The following ADARB2 variants were observed in gnomAD, a reference collection of about 807,000 sequenced individuals.
ADARB2 encodes the protein adenosine deaminase RNA specific B2 (inactive).
A neutral mutation model predicts 62.2 loss-of-function variants in ADARB2; 25 were observed. The ratio of observed to expected loss-of-function variants is 0.40; its 90% CI spans 0.29 to 0.56. The LOEUF is 0.56. Ranked by LOEUF, ADARB2 falls within the 20% of genes least tolerant of loss-of-function variation. The pLI, the probability that ADARB2 is intolerant of heterozygous loss-of-function variation, is 0.43. For missense variants in ADARB2, 1,071 were observed against 1,077.4 expected, an observed-to-expected ratio of 0.99 and a Z score of 0.08; for synonymous variants, 572 against 500.8, an observed-to-expected ratio of 1.14 and a Z score of -1.90.
chr10:1,721,227 C>T (rs1835088368), intron 1 of ADARB2, among the ~76,000 whole-genome samples: 1 of 152,164 alleles, frequency 6.6e-6, no homozygotes, highest in East Asian at 1.9e-4. Flanking sequence ...GTAAATAATT[C>T]AAGTCACTTT....
At chr10:1,233,978 CT>C (rs1589160330) in intron 5 of ADARB2, 133 bp from the exon 6 acceptor site, 37 of 439,556 alleles carry the variant, frequency 8.4e-5, no homozygotes, top group Non-Finnish European at 1.0e-4. Context: ...TTTTTTTTTC[CT>C]TTTTTTTTTG....
At chr10:1,187,969 G>T (rs1836784651) in intron 8 of ADARB2, 2 of 228,874 alleles carry the variant, frequency 8.7e-6, no homozygotes, top group South Asian at 8.6e-5. Context: ...AACTACAACA[G>T]CCCCGCAGGC....
At chr10:1,437,923 C>T (rs1436606016) in intron 1 of ADARB2, among the ~76,000 whole-genome samples, 6 of 152,200 alleles carry the variant, frequency 3.9e-5, no homozygotes, top group Admixed American at 6.5e-5. Flanking sequence ...ATCTTCAACG[C>T]GAGGCTCCCC....
intron 1 of ADARB2, among the ~76,000 whole-genome samples, chr10:1,573,831 G>A (rs371637033): frequency 1.1e-4 from 17 of 152,240 alleles, no homozygotes; most frequent in East Asian, 3.9e-4. Flanking sequence ...CCCTCCTGCC[G>A]CCCAGTGAGC....
intron 3 of ADARB2, among the ~76,000 whole-genome samples, chr10:1,351,453 A>G (rs1397579291): frequency 1.3e-5 from 2 of 150,490 alleles, no homozygotes; most frequent in African/African-American, 4.9e-5. Context: ...CTTAGACAAT[A>G]CTCTTTTAAG....
At chr10:1,383,241 G>A (rs1000468456) in intron 1 of ADARB2, among the ~76,000 whole-genome samples, 18 of 152,178 alleles carry the variant, frequency 1.2e-4, no homozygotes, top group African/African-American at 3.9e-4. Flanking sequence ...GGTTATTGTC[G>A]GTTTTTCATA....
chr10:1,621,137 A>T (rs954170393), intron 1 of ADARB2, among the ~76,000 whole-genome samples: 6 of 152,174 alleles, frequency 3.9e-5, no homozygotes, highest in Non-Finnish European at 8.8e-5. Context: ...ATAAACAAAC[A>T]TGCCAATCAT....
At chr10:1,598,935 G>A (rs756429880) in intron 1 of ADARB2, among the ~76,000 whole-genome samples, 12 of 152,230 alleles carry the variant, frequency 7.9e-5, no homozygotes, top group Non-Finnish European at 7.3e-5. Flanking sequence ...GCCCAGGGCC[G>A]CGGTGCACAC....
rs79924428 is a variant in ADARB2, at chr10:1,443,379, C to T, written c.101-64219G>A. ...TCAGTTTCCTTTCTTATTATGCAGG[C>T]GAATTAATTCTTTAATGTTAATAAT... On this transcript the variant is annotated intron_variant, in intron 1 of 9. Transcript: ENST00000381312. 2.2e-3 allele frequency among the ~76,000 whole-genome samples: 332 copies of T among 152,156 alleles called. 5 individuals are homozygous for T. Among genetic ancestry groups the T allele is most frequent in the Non-Finnish European group, 5.3e-4 (36 of 67,994 alleles).
rs922392592 is a variant in ADARB2, at chr10:1,178,642, G to A, written c.*4551C>T. ...GACCCTAAAATACCAGCGAGGCGGG[G>A]GGTGGTCTGTCCCTGCTAAGAGCTG... On this transcript the variant is annotated 3_prime_UTR_variant, in exon 10 of 10. Coordinates refer to ENST00000381312, the MANE Select transcript of ADARB2 (RefSeq NM_018702.4). 2.0e-5 allele frequency: 3 copies of A among 152,386 alleles called. No homozygotes were observed. The highest frequency in any genetic ancestry group is 3.4e-3 in the Middle Eastern group (1 of 294). The allele number at this position is 152,386 out of a possible 1,614,324, so 9.4% of individuals were successfully genotyped here.
At chr10:1,299,191 A>T (rs1489610688) in intron 3 of ADARB2, among the ~76,000 whole-genome samples, 1 of 152,070 alleles carries the variant, frequency 6.6e-6, no homozygotes, top group Non-Finnish European at 1.5e-5. Context: ...GACCCCAGCT[A>T]ATCTGGGGAG....
chr10:1,606,144 C>A (rs1214846336), intron 1 of ADARB2, among the ~76,000 whole-genome samples: 1 of 152,212 alleles, frequency 6.6e-6, no homozygotes, highest in Non-Finnish European at 1.5e-5. Context: ...CATGTCTCTT[C>A]CCCCGCTCCT....
chr10:1,345,572 C>T (rs1005376950), intron 3 of ADARB2, among the ~76,000 whole-genome samples: 25 of 152,298 alleles, frequency 1.6e-4, no homozygotes, highest in African/African-American at 5.3e-4. Context: ...CTCATGCACA[C>T]GGCTCTGCTG....
chr10:1,194,145 C>G (rs73588433), intron 8 of ADARB2, among the ~76,000 whole-genome samples: 3,286 of 152,290 alleles, frequency 0.022, 109 homozygotes, highest in African/African-American at 0.075. Context: ...TAGCACCCAA[C>G]TAGATTAACT....
At chr10:1,554,773 GGTAC>G (rs1454775887) in intron 1 of ADARB2, among the ~76,000 whole-genome samples, 1 of 152,106 alleles carries the variant, frequency 6.6e-6, no homozygotes, top group East Asian at 1.9e-4. Flanking sequence ...GGGTTCAGGA[GGTAC>G]GTGTGCAGGT....
At chr10:1,452,620 G>GT (rs999013167) in intron 1 of ADARB2, among the ~76,000 whole-genome samples, 3 of 150,122 alleles carry the variant, frequency 2.0e-5, no homozygotes, top group African/African-American at 7.4e-5. Context: ...CGGGGGTTGG[G>GT]GGGGGGAATA....
At chr10:1,667,293 T>C (rs1834327395) in intron 1 of ADARB2, among the ~76,000 whole-genome samples, 1 of 152,230 alleles carries the variant, frequency 6.6e-6, no homozygotes, top group Non-Finnish European at 1.5e-5. Context: ...GACTGAATCA[T>C]ATGTTTTATG....
chr10:1,325,353 C>T (rs1831835315), intron 3 of ADARB2, among the ~76,000 whole-genome samples: 2 of 152,190 alleles, frequency 1.3e-5, no homozygotes, highest in Non-Finnish European at 1.5e-5. Flanking sequence ...TCCTGCACCC[C>T]AAGTGTATTC....
intron 1 of ADARB2, among the ~76,000 whole-genome samples, chr10:1,657,945 CTCTG>C (rs67670512): frequency 0.28 from 43,052 of 151,612 alleles, 7,307 homozygotes; most frequent in East Asian, 0.41. Flanking sequence ...TTATCTGATT[CTCTG>C]TCTGTGTCTG....
Sources: allele counts gnomAD v4.1 joint callset (sites outside exome capture counted in the v4.1 genomes callset), GRCh38; gene constraint gnomAD v4.1.1; transcripts MANE v1.5; gene names NCBI Gene and HGNC (gene_info 2026-07-23, HGNC 2026-07-21).